Variants in COL12A1 observed in about 807,000 individuals in gnomAD.
COL12A1 encodes the protein collagen alpha-1(XII) chain.
COL12A1 carries 114 observed loss-of-function variants against 349.7 expected under a neutral mutation model. The observed-to-expected ratio is 0.33, with a 90% CI of 0.28 to 0.38. The LOEUF (loss-of-function observed/expected upper bound fraction) is 0.38, where lower values mean the gene tolerates loss of function less well. Ranked by LOEUF, COL12A1 falls within the 10% of genes least tolerant of loss-of-function variation. The pLI, the probability that COL12A1 is intolerant of heterozygous loss-of-function variation, is 1.00. For synonymous variants in COL12A1, 1,369 were observed against 1,329.0 expected, an observed-to-expected ratio of 1.03 and a Z score of -0.66; for missense variants, 3,284 against 3,756.9, an observed-to-expected ratio of 0.87 and a Z score of 3.29.
chr6:75,089,006 C>CAAAAAAA, intron 64 of COL12A1, 100 bp downstream of exon 64: 1 of 783,988 alleles, frequency 1.3e-6, no homozygotes. Context: ...GTCTCAAAAA[C>CAAAAAAA]AAAAAAAAGA....
chr6:75,147,538 C>T (rs1338242923), intron 23 of COL12A1, 137 bp downstream of exon 23: 3 of 876,354 alleles, frequency 3.4e-6, no homozygotes, highest in Admixed American at 2.8e-5. Flanking sequence ...TGGGCACCTG[C>T]ACAAAGATGA....
chr6:75,088,020 C>A (rs1269751948), intron 64 of COL12A1, among the ~76,000 whole-genome samples: 1 of 152,152 alleles, frequency 6.6e-6, no homozygotes, highest in Non-Finnish European at 1.5e-5. Flanking sequence ...TCAGTGAGTT[C>A]TTTGGTTTGC....
At chr6:75,140,933 T>C (rs1268161077) in intron 27 of COL12A1, among the ~76,000 whole-genome samples, 2 of 152,188 alleles carry the variant, frequency 1.3e-5, no homozygotes, top group African/African-American at 2.4e-5. Context: ...CTAGTCTGAA[T>C]TGAGATGTGC....
At chr6:75,099,737 C>T (rs986523964) in intron 58 of COL12A1, among the ~76,000 whole-genome samples, 1 of 152,144 alleles carries the variant, frequency 6.6e-6, no homozygotes, top group East Asian at 1.9e-4. Context: ...TGTACAGATA[C>T]CTGTATATGT....
chr6:75,143,183 G>A, intron 26 of COL12A1, 69 bp downstream of exon 26: 1 of 1,562,892 alleles, frequency 6.4e-7, no homozygotes. Flanking sequence ...ATCCATACTT[G>A]ATAAAGTTCT....
chr6:75,097,014 CAGTT>C (rs1329742210), intron 59 of COL12A1, among the ~76,000 whole-genome samples: 5 of 151,716 alleles, frequency 3.3e-5, no homozygotes, highest in African/African-American at 1.2e-4. Flanking sequence ...AGCTGGTAGC[CAGTT>C]AGTTAGGGAT....
At position 75,183,123 on chromosome 6, in the gene COL12A1, C is replaced by G. The variant is rs1483475995; in HGVS notation, c.1818G>C (p.Gln606His). ...ACTGTGTGAGTTCAAAAGATATCCT[C>G]TGAAAAGCATCAAAATCTTCCACTG... ...VFTVEDFDAF[Q>H]RISFELTQSI... Residue 606 changes from glutamine (Q) to histidine (H), a missense_variant, in exon 10 of 66, where the codon CAG becomes CAC. Physicochemically the swap from Gln to His is conservative, Grantham distance 24. Transcript: ENST00000322507. The G allele has an allele frequency of 6.2e-7, 1 of 1,614,012 alleles. No homozygotes were observed. Among genetic ancestry groups the G allele is most frequent in the African/African-American group, 1.3e-5 (1 of 74,926 alleles).
intron 15 of COL12A1, 47 bp downstream of exon 15, chr6:75,156,209 TA>T: frequency 1.3e-6 from 2 of 1,598,592 alleles, no homozygotes; most frequent in East Asian, 4.5e-5. Context: ...AGTCATCTTT[TA>T]AAACATTACC....
Position 75,113,582 on chromosome 6 carries a change from C to A in COL12A1, c.7840+20G>T. 6.3e-7 allele frequency: 1 copy of A among 1,593,056 alleles called. No individual in the cohort carries two copies. The highest frequency in any genetic ancestry group is 1.3e-5 in the African/African-American group (1 of 74,480). ...TAATCAAAACTAAGTATGCATGTGC[C>A]TTAAGATAAAAATTCTTACGATCTG... is the stretch of plus-strand genomic sequence containing the variant. On this transcript the variant is annotated intron_variant, in intron 50 of 65. Coordinates refer to ENST00000322507, the MANE Select transcript of COL12A1 (RefSeq NM_004370.6).
intron 13 of COL12A1, among the ~76,000 whole-genome samples, chr6:75,172,156 T>A (rs1283103335): frequency 2.0e-5 from 3 of 152,222 alleles, no homozygotes; most frequent in African/African-American, 7.2e-5. Flanking sequence ...TACTCACACA[T>A]GCGTACAAGT....
chr6:75,117,606 A>G, intron 46 of COL12A1, 60 bp from the exon 47 acceptor site: 1 of 1,543,580 alleles, frequency 6.5e-7, no homozygotes, highest in Non-Finnish European at 8.8e-7. Flanking sequence ...TGTTGTTAGA[A>G]CAATGCAAAA....
chr6:75,197,971 T>A (rs1485891711), intron 2 of COL12A1, among the ~76,000 whole-genome samples: 1 of 152,194 alleles, frequency 6.6e-6, no homozygotes, highest in African/African-American at 2.4e-5. Context: ...GAGAGCTGGT[T>A]ACTGTGTTGC....
chr6:75,099,868 C>T (rs901756700), intron 58 of COL12A1, among the ~76,000 whole-genome samples: 7 of 152,302 alleles, frequency 4.6e-5, no homozygotes, highest in Middle Eastern at 3.4e-3. Flanking sequence ...AGTCTTCATT[C>T]CTCACCACAA....
At chr6:75,100,520 CAGA>C (rs1026796533) in intron 58 of COL12A1, among the ~76,000 whole-genome samples, 13 of 152,146 alleles carry the variant, frequency 8.5e-5, no homozygotes, top group African/African-American at 2.9e-4. Flanking sequence ...TCAAAAGAGT[CAGA>C]AGATGTGTAT....
intron 32 of COL12A1, 37 bp from the exon 33 acceptor site, chr6:75,134,034 A>G (rs774514233): frequency 3.8e-6 from 6 of 1,594,694 alleles, no homozygotes; most frequent in Non-Finnish European, 5.1e-6. Context: ...GTATAATGCT[A>G]ACAATCAAGC....
At chr6:75,132,552 G>A (rs1046832511) in intron 34 of COL12A1, among the ~76,000 whole-genome samples, 1 of 152,106 alleles carries the variant, frequency 6.6e-6, no homozygotes, top group African/African-American at 2.4e-5. Context: ...ATAACTTTGT[G>A]ATTAATAGAA....
intron 58 of COL12A1, among the ~76,000 whole-genome samples, chr6:75,099,016 C>T (rs1357107089): frequency 1.3e-5 from 2 of 152,198 alleles, no homozygotes; most frequent in Admixed American, 6.5e-5. Flanking sequence ...AGAGTTGTTG[C>T]ATTCCTCTGT....
intron 58 of COL12A1, among the ~76,000 whole-genome samples, chr6:75,100,266 G>T (rs1768246917): frequency 6.6e-6 from 1 of 152,164 alleles, no homozygotes; most frequent in Non-Finnish European, 1.5e-5. Context: ...CAGAAAGATA[G>T]TCCTGCTGGG....
intron 1 of COL12A1, among the ~76,000 whole-genome samples, chr6:75,203,790 C>T (rs1160379580): frequency 6.6e-6 from 1 of 152,168 alleles, no homozygotes; most frequent in Non-Finnish European, 1.5e-5. Context: ...AAGCTACTAG[C>T]AAGGAACTGA....
Sources: allele counts gnomAD v4.1 joint callset (sites outside exome capture counted in the v4.1 genomes callset), GRCh38; gene constraint gnomAD v4.1.1; transcripts MANE v1.5; gene names NCBI Gene and HGNC (gene_info 2026-07-23, HGNC 2026-07-21).